DPYD: variants seen among roughly 807,000 people sequenced by gnomAD.
DPYD encodes the protein dihydropyrimidine dehydrogenase [NADP(+)].
In DPYD, 109 loss-of-function variants were observed where a neutral mutation model predicts 116.2. The ratio of observed to expected loss-of-function variants is 0.94; its 90% CI spans 0.80 to 1.10. The LOEUF is 1.10. DPYD is among the 50% of genes least tolerant of loss of function. DPYD has a pLI of 0.00. For missense variants in DPYD, 1,302 were observed against 1,254.5 expected, an observed-to-expected ratio of 1.04 and a Z score of -0.57; for synonymous variants, 440 against 432.0, an observed-to-expected ratio of 1.02 and a Z score of -0.23.
intron 18 of DPYD, among the ~76,000 whole-genome samples, chr1:97,290,611 T>G (rs377018448): frequency 1.4e-3 from 208 of 152,022 alleles, no homozygotes; most frequent in East Asian, 3.7e-3. Flanking sequence ...AATAAATGGT[T>G]CTGGGAAAAC....
intron 3 of DPYD, among the ~76,000 whole-genome samples, chr1:97,790,370 A>T (rs1667254643): frequency 6.6e-6 from 1 of 152,158 alleles, no homozygotes; most frequent in Admixed American, 6.5e-5. Flanking sequence ...TCTAATAGTT[A>T]TTTCTTAAAC....
intron 11 of DPYD, among the ~76,000 whole-genome samples, chr1:97,558,446 C>G (rs900090783): frequency 6.6e-6 from 1 of 151,118 alleles, no homozygotes; most frequent in African/African-American, 2.5e-5. Context: ...CACAATTAGT[C>G]AGTTCATCAT....
At chr1:97,458,495 A>G (rs960871939) in intron 13 of DPYD, among the ~76,000 whole-genome samples, 1 of 152,194 alleles carries the variant, frequency 6.6e-6, no homozygotes, top group African/African-American at 2.4e-5. Flanking sequence ...GAGATTCACA[A>G]GGGCAAACTA....
At chr1:97,419,723 A>T (rs988496081) in intron 14 of DPYD, among the ~76,000 whole-genome samples, 3 of 152,184 alleles carry the variant, frequency 2.0e-5, no homozygotes. Context: ...GGACTACATT[A>T]AAAAATACCA....
At chr1:97,894,870 T>C (rs1029016531) in intron 1 of DPYD, among the ~76,000 whole-genome samples, 18 of 151,760 alleles carry the variant, frequency 1.2e-4, no homozygotes, top group African/African-American at 4.1e-4. Flanking sequence ...AGCATCCATA[T>C]ATTACATATT....
At chr1:97,268,963 T>A (rs1031220311) in intron 18 of DPYD, among the ~76,000 whole-genome samples, 1 of 152,198 alleles carries the variant, frequency 6.6e-6, no homozygotes, top group African/African-American at 2.4e-5. Context: ...TTCTGTTCTG[T>A]TTCCCTTTTA....
chr1:97,820,682 C>A (rs544793883), intron 3 of DPYD, among the ~76,000 whole-genome samples: 3 of 151,948 alleles, frequency 2.0e-5, no homozygotes, highest in Admixed American at 2.0e-4. Context: ...TAAAGCCAAG[C>A]GAAAAAGAAT....
chr1:97,882,218 C>G (rs969556513), intron 2 of DPYD, among the ~76,000 whole-genome samples: 2 of 151,914 alleles, frequency 1.3e-5, no homozygotes, highest in Non-Finnish European at 2.9e-5. Flanking sequence ...ACAAGAAAAA[C>G]TGAATTCAAA....
rs572295095 is a variant in DPYD, at chr1:97,107,232, C to T, written c.2623-8600G>A. Among the ~76,000 whole-genome samples the T allele has an allele frequency of 4.6e-5, 7 of 152,222 alleles. No homozygotes were observed. The South Asian group carries it at 1.5e-3, about 32-fold the overall frequency. ...CAGATGACCCCTCCTTTATCACCAT[C>T]CCCTGCTCAATCAGATTCTTGACTT... On this transcript the variant is annotated intron_variant, in intron 20 of 22. Coordinates refer to ENST00000370192, the MANE Select transcript of DPYD (RefSeq NM_000110.4).
At chr1:97,763,291 T>C (rs758200562) in intron 3 of DPYD, among the ~76,000 whole-genome samples, 6 of 152,212 alleles carry the variant, frequency 3.9e-5, no homozygotes, top group East Asian at 1.9e-4. Context: ...AGGGGATTAA[T>C]AAATGTTAGA....
At chr1:97,291,862 A>G (rs1160651951) in intron 18 of DPYD, among the ~76,000 whole-genome samples, 2 of 151,914 alleles carry the variant, frequency 1.3e-5, no homozygotes, top group African/African-American at 4.8e-5. Context: ...TAAACCCTAA[A>G]AAAAACCCTA....
Position 97,670,199 on chromosome 1 carries a change from T to G in DPYD, c.850+8896A>C, listed in dbSNP as rs544360342. ...TTGTTAAGTATCCTAAAATTTATCC[T>G]TCAACATCAATATTCTACCTTTAGA... On this transcript the variant is annotated intron_variant, in intron 8 of 22. Coordinates refer to ENST00000370192, the MANE Select transcript of DPYD (RefSeq NM_000110.4). 1.1e-4 allele frequency among the ~76,000 whole-genome samples: 17 copies of G among 152,282 alleles called. No individual in the cohort carries two copies. In the East Asian group the frequency reaches 3.3e-3, roughly 29 times the overall value.
intron 16 of DPYD, among the ~76,000 whole-genome samples, chr1:97,318,314 G>C (rs1322172630): frequency 8.0e-6 from 1 of 124,372 alleles, no homozygotes; most frequent in Admixed American, 8.3e-5. Context: ...AGACCCATTA[G>C]TGTGCTGTAT....
At chr1:97,841,363 C>CA (rs1670027687) in intron 2 of DPYD, among the ~76,000 whole-genome samples, 1 of 152,044 alleles carries the variant, frequency 6.6e-6, no homozygotes, top group Non-Finnish European at 1.5e-5. Context: ...CCTTTCATCT[C>CA]ATCATAATCC....
At chr1:97,226,189 C>T (rs1403788055) in intron 19 of DPYD, among the ~76,000 whole-genome samples, 2 of 152,066 alleles carry the variant, frequency 1.3e-5, no homozygotes, top group South Asian at 2.1e-4. Context: ...AATTGAACAT[C>T]TTTCTTAATA....
chr1:97,528,891 G>T (rs1649352071), intron 12 of DPYD, among the ~76,000 whole-genome samples: 1 of 151,992 alleles, frequency 6.6e-6, no homozygotes, highest in Admixed American at 6.6e-5. Context: ...ATTGTGTTAT[G>T]CACCTGCTTA....
chr1:97,828,302 A>G (rs1448921931), intron 2 of DPYD, 106 bp from the exon 3 acceptor site: 6 of 934,420 alleles, frequency 6.4e-6, no homozygotes, highest in African/African-American at 4.9e-5. Context: ...TGGACTCATG[A>G]AAAATATGCA....
intron 20 of DPYD, among the ~76,000 whole-genome samples, chr1:97,192,536 A>T (rs1658446692): frequency 6.6e-6 from 1 of 152,234 alleles, no homozygotes. Flanking sequence ...ACTGTATTAT[A>T]GAAAACGTAA....
At chr1:97,687,201 G>T (rs550241129) in intron 7 of DPYD, among the ~76,000 whole-genome samples, 7 of 152,232 alleles carry the variant, frequency 4.6e-5, no homozygotes, top group African/African-American at 1.7e-4. Flanking sequence ...AACCCAGGAG[G>T]TAGAGGTTGA....
Sources: gnomAD v4.1 joint callset for allele counts (sites outside exome capture counted in the v4.1 genomes callset) on GRCh38, gnomAD v4.1.1 for gene constraint, MANE v1.5 for transcripts, NCBI Gene and HGNC (gene_info 2026-07-23, HGNC 2026-07-21) for gene names.